The following IQCM variants were observed in gnomAD, a reference collection of about 807,000 sequenced individuals.
IQCM encodes the protein IQ motif containing M, also known as IQ domain-containing protein M.
Under a neutral mutation model 57.6 loss-of-function variants are expected in IQCM, and 45 were observed. The observed-to-expected ratio is 0.78, with a 90% CI of 0.62 to 1.00. The LOEUF (loss-of-function observed/expected upper bound fraction) is 1.00. Among genes scored for constraint, IQCM ranks in the 50% least tolerant of loss-of-function variants. The pLI, the probability that IQCM is intolerant of heterozygous loss-of-function variation, is 0.00. For missense variants in IQCM, 468 were observed against 511.6 expected, an observed-to-expected ratio of 0.91 and a Z score of 0.82; for synonymous variants, 148 against 158.9, an observed-to-expected ratio of 0.93 and a Z score of 0.51.
At chr4:149,421,329 A>T (rs1222966433) in intron 13 of IQCM, among the ~76,000 whole-genome samples, 3 of 151,998 alleles carry the variant, frequency 2.0e-5, no homozygotes, top group Non-Finnish European at 4.4e-5. Flanking sequence ...TCGAACTTAC[A>T]CTGAAAAAAA....
At chr4:149,392,718 A>C (rs1362067264) in intron 13 of IQCM, among the ~76,000 whole-genome samples, 3 of 152,070 alleles carry the variant, frequency 2.0e-5, no homozygotes, top group Admixed American at 6.6e-5. Context: ...CAAGGGATTT[A>C]TAAACTCAGA....
chr4:149,398,071 A>G (rs1395436214), intron 13 of IQCM, among the ~76,000 whole-genome samples: 2 of 151,934 alleles, frequency 1.3e-5, no homozygotes, highest in Admixed American at 1.3e-4. Context: ...ATTTTTGTGT[A>G]TGGTGTAAGA....
chr4:149,687,538 G>A (rs1357463069), intron 5 of IQCM, among the ~76,000 whole-genome samples: 1 of 151,634 alleles, frequency 6.6e-6, no homozygotes, highest in Non-Finnish European at 1.5e-5. Context: ...AGAAGAAATT[G>A]ATGCCAATCA....
In IQCM at chr4:149,351,976, T is replaced by C; in HGVS notation, c.1481A>G (p.His494Arg). 1 of 398,960 alleles carries C rather than the reference T, an allele frequency of 2.5e-6. No individual in the cohort carries two copies. 24.7% of individuals were successfully genotyped at this position (398,960 alleles called of 1,614,324 possible). ...RSIRERKMRQ[H>R]YKSCKVE ...TCATTCAACTTTACATGACTTATAA[T>C]GTTGTCTCATTTTCCTTTCTCTTAT... The change falls in exon 14 of 14, where the codon CAT becomes CGT. Residue 494 changes from histidine to arginine, a missense_variant. His to Arg is a conservative substitution (Grantham distance 29). Transcript: ENST00000636793.
chr4:149,459,992 G>T (rs1738102238), intron 12 of IQCM, among the ~76,000 whole-genome samples: 1 of 152,158 alleles, frequency 6.6e-6, no homozygotes, highest in African/African-American at 2.4e-5. Context: ...TTGAGAAGTT[G>T]CCAGTTTTCC....
intron 2 of IQCM, among the ~76,000 whole-genome samples, chr4:149,809,086 A>T (rs1056192092): frequency 6.6e-6 from 1 of 152,132 alleles, no homozygotes; most frequent in Non-Finnish European, 1.5e-5. Flanking sequence ...TCAGTTAAAA[A>T]TAGTGTGGTC....
intron 8 of IQCM, among the ~76,000 whole-genome samples, chr4:149,613,786 T>A (rs1390568695): frequency 6.6e-6 from 1 of 152,136 alleles, no homozygotes; most frequent in East Asian, 1.9e-4. Flanking sequence ...GTTCTCATTG[T>A]TCAATTCCCA....
intron 12 of IQCM, among the ~76,000 whole-genome samples, chr4:149,508,851 T>C (rs556752878): frequency 1.3e-5 from 2 of 152,104 alleles, no homozygotes; most frequent in Non-Finnish European, 1.5e-5. Flanking sequence ...AATACCCACA[T>C]TGTGGGAAAG....
intron 8 of IQCM, among the ~76,000 whole-genome samples, chr4:149,610,201 T>A (rs897144687): frequency 1.3e-5 from 2 of 151,770 alleles, no homozygotes; most frequent in African/African-American, 4.8e-5. Context: ...AGGAAAACTA[T>A]AAAACATTGA....
chr4:149,514,954 G>T (rs2149816053), intron 12 of IQCM, among the ~76,000 whole-genome samples: 1 of 152,246 alleles, frequency 6.6e-6, no homozygotes, highest in South Asian at 2.1e-4. Context: ...CAGACTCCAA[G>T]TTCTTCAGCT....
chr4:149,433,310 C>T (rs980513944), intron 13 of IQCM, 86 bp downstream of exon 13: 38 of 567,574 alleles, frequency 6.7e-5, no homozygotes, highest in Non-Finnish European at 1.3e-5. Flanking sequence ...CATCCCACAT[C>T]ATCTAAGTGA....
At chr4:149,396,636 C>T (rs925768880) in intron 13 of IQCM, among the ~76,000 whole-genome samples, 2 of 151,948 alleles carry the variant, frequency 1.3e-5, no homozygotes, top group African/African-American at 4.8e-5. Flanking sequence ...TTGTTATTGA[C>T]TATAGGTACA....
chr4:149,480,766 G>A (rs1480204241), intron 12 of IQCM, among the ~76,000 whole-genome samples: 4 of 152,010 alleles, frequency 2.6e-5, no homozygotes, highest in East Asian at 3.9e-4. Context: ...CTTTATTTTG[G>A]GTATGTACCC....
At chr4:149,672,606 C>T (rs1196179704) in intron 7 of IQCM, among the ~76,000 whole-genome samples, 1 of 151,988 alleles carries the variant, frequency 6.6e-6, no homozygotes, top group Non-Finnish European at 1.5e-5. Context: ...TAACAAAGCC[C>T]TCAAGAAATA....
intron 13 of IQCM, among the ~76,000 whole-genome samples, chr4:149,354,374 A>C (rs866234754): frequency 1.5e-5 from 2 of 132,298 alleles, no homozygotes; most frequent in Non-Finnish European, 3.2e-5. Context: ...AAAAAAAAAA[A>C]AAAAAAAAAA....
intron 7 of IQCM, among the ~76,000 whole-genome samples, chr4:149,651,960 CA>C (rs1286404580): frequency 6.6e-6 from 1 of 152,118 alleles, no homozygotes; most frequent in East Asian, 1.9e-4. Flanking sequence ...GGTATATACC[CA>C]AAGGATGATA....
At chr4:149,389,699 G>A (rs1351464301) in intron 13 of IQCM, among the ~76,000 whole-genome samples, 1 of 143,066 alleles carries the variant, frequency 7.0e-6, no homozygotes, top group Non-Finnish European at 1.5e-5. Context: ...CACACTCTGG[G>A]GACTGTTGTG....
intron 2 of IQCM, among the ~76,000 whole-genome samples, chr4:149,782,804 A>G (rs1021187526): frequency 2.6e-5 from 4 of 152,152 alleles, no homozygotes; most frequent in Non-Finnish European, 5.9e-5. Flanking sequence ...CAGAAGGAAG[A>G]CAGATTTTAT....
At chr4:149,534,628 T>C (rs573446264) in intron 12 of IQCM, among the ~76,000 whole-genome samples, 1 of 152,192 alleles carries the variant, frequency 6.6e-6, no homozygotes, top group South Asian at 2.1e-4. Flanking sequence ...CTCAACAGTT[T>C]TATGGTAGGA....
Sources: allele counts gnomAD v4.1 joint callset (sites outside exome capture counted in the v4.1 genomes callset), GRCh38; gene constraint gnomAD v4.1.1; transcripts MANE v1.5; gene names NCBI Gene and HGNC (gene_info 2026-07-23, HGNC 2026-07-21).